RTN3: variants seen among roughly 807,000 people sequenced by gnomAD.
RTN3 encodes the protein reticulon 3, also known as reticulon-3.
RTN3 carries 49 observed loss-of-function variants against 77.8 expected under a neutral mutation model. The ratio of observed to expected loss-of-function variants is 0.63; its 90% CI spans 0.50 to 0.80. The LOEUF (loss-of-function observed/expected upper bound fraction) is 0.80, where lower values mean the gene tolerates loss of function less well. Among genes scored for constraint, RTN3 ranks in the 30% least tolerant of loss-of-function variants. The pLI is 0.00. For synonymous variants in RTN3, 464 were observed against 446.9 expected, an observed-to-expected ratio of 1.04 and a Z score of -0.48; for missense variants, 1,236 against 1,211.9, an observed-to-expected ratio of 1.02 and a Z score of -0.29.
At position 63,729,436 on chromosome 11, in the gene RTN3, C is replaced by CTTTTTTT. The variant is rs1177025902; in HGVS notation, c.2530+8421_2530+8427dup. The stretch of plus-strand genomic sequence containing the variant: ...GACTGTACTATAGCAAAGGTTTCTG[C>CTTTTTTT]TTTTTTTTTTTTTTTTTTTTTTTGT... On this transcript the variant is annotated intron_variant, in intron 3 of 8. Coordinates refer to ENST00000377819, the MANE Select transcript of RTN3 (RefSeq NM_001265589.2). Among the ~76,000 whole-genome samples, 25 of 32,062 alleles carry CTTTTTTT rather than the reference C, an allele frequency of 7.8e-4. 2 individuals are homozygous for CTTTTTTT. The highest frequency in any genetic ancestry group is 3.0e-3 in the African/African-American group (20 of 6,596). The allele number at this position is 32,062 out of a possible 152,430, so 21.0% of individuals were successfully genotyped here.
intron 1 of RTN3, among the ~76,000 whole-genome samples, chr11:63,682,327 TTTTG>T (rs949600625): frequency 1.4e-4 from 21 of 152,114 alleles, no homozygotes; most frequent in Admixed American, 3.9e-4. Flanking sequence ...AGCCTGTTTT[TTTTG>T]TTTGTTTGTT....
At chr11:63,753,608 A>G in intron 6 of RTN3, 54 bp from the exon 7 acceptor site, 1 of 1,477,174 alleles carries the variant, frequency 6.8e-7, no homozygotes, top group Non-Finnish European at 9.4e-7. Context: ...CTGAGTCTTA[A>G]GATGTGACTG....
intron 2 of RTN3, among the ~76,000 whole-genome samples, chr11:63,707,722 T>C (rs1439859181): frequency 6.6e-6 from 1 of 151,988 alleles, no homozygotes; most frequent in Non-Finnish European, 1.5e-5. Flanking sequence ...TAATCCCAGC[T>C]ACTCGGGAGG....
chr11:63,751,386 C>G (rs2014097924), intron 4 of RTN3, among the ~76,000 whole-genome samples: 1 of 152,164 alleles, frequency 6.6e-6, no homozygotes, highest in South Asian at 2.1e-4. Flanking sequence ...TTTCTTAACG[C>G]TGGAGGTCTT....
Position 63,719,648 on chromosome 11 carries a change from C to A in RTN3, c.1146C>A (p.Ser382Arg). 1.2e-6 allele frequency: 2 copies of A among 1,613,856 alleles called. No homozygotes were observed. Among genetic ancestry groups the A allele is most frequent in the South Asian group, 1.1e-5 (1 of 91,054 alleles). The change falls in exon 3 of 9, where the codon AGC (serine) becomes AGA (arginine). Residue 382 changes from serine (S) to arginine (R), a missense_variant. Physicochemically the swap from Ser to Arg is moderately radical, Grantham distance 110 (BLOSUM62 -1). Around this residue, in one of 3 missense-constraint regions of RTN3, gnomAD observed 1,056 missense variants for 990.4 expected, o/e 1.07. Transcript: ENST00000377819. ...SEIPVVNLKT[S>R]THQKTPVCSI... is the part of the protein sequence containing the mutation. ...TTCCAGTTGTAAATCTTAAAACTAG[C>A]ACTCATCAGAAAACTCCTGTATGTT...
At chr11:63,682,857 A>G (rs1013003047) in intron 1 of RTN3, among the ~76,000 whole-genome samples, 4 of 151,962 alleles carry the variant, frequency 2.6e-5, no homozygotes, top group Non-Finnish European at 4.4e-5. Context: ...AAAAACCACC[A>G]TGGGCAGGTG....
intron 1 of RTN3, among the ~76,000 whole-genome samples, chr11:63,690,926 G>A (rs1941621904): frequency 6.6e-6 from 1 of 152,002 alleles, no homozygotes; most frequent in African/African-American, 2.4e-5. Context: ...GTGGGTTTTA[G>A]TGTATGCACA....
In RTN3 at chr11:63,720,737, T is replaced by G; in HGVS notation, c.2235T>G (p.Ile745Met). Residue 745 changes from isoleucine (I) to methionine (M), a missense_variant, in exon 3 of 9, where the codon ATT (isoleucine) becomes ATG (methionine). By Grantham distance (10) the Ile-to-Met change is conservative. Coordinates refer to ENST00000377819, the MANE Select transcript of RTN3 (RefSeq NM_001265589.2). ...ACTTAGAACAAGAACAGCTCACAAT[T>G]AAGGCTCTTAAAGAATTAGGTGAAA... ...SLDLEQEQLT[I>M]KALKELGERQ... The G allele has an allele frequency of 6.2e-7, 1 of 1,614,144 alleles. No homozygotes were observed. The highest frequency in any genetic ancestry group is 8.5e-7 in the Non-Finnish European group (1 of 1,180,034).
chr11:63,724,414 A>C (rs1423169978), intron 3 of RTN3, among the ~76,000 whole-genome samples: 3 of 143,114 alleles, frequency 2.1e-5, no homozygotes, highest in African/African-American at 7.8e-5. Context: ...CAATCTCCTG[A>C]CCTGGTGATC....
chr11:63,693,356 G>A (rs757131153), intron 1 of RTN3, among the ~76,000 whole-genome samples: 4 of 152,062 alleles, frequency 2.6e-5, no homozygotes, highest in African/African-American at 9.7e-5. Context: ...GGTGGCACAT[G>A]CCTGTAATCC....
chr11:63,709,639 G>T (rs1427059699), intron 2 of RTN3, among the ~76,000 whole-genome samples: 2 of 151,796 alleles, frequency 1.3e-5, no homozygotes, highest in Non-Finnish European at 2.9e-5. Flanking sequence ...TTTTGTTTAG[G>T]ATCTAGCTTG....
rs1265677457 is a variant in RTN3, at chr11:63,719,071, T to C, written c.569T>C (p.Val190Ala). 9 of 1,614,060 alleles carry C rather than the reference T, an allele frequency of 5.6e-6. No individual in the cohort carries two copies. ...AAAGAGACCAAGAACCCAAATGGGG[T>C]ATCAAGTAGGGAGGCTAAAACTGCA... ...IDKETKNPNGVSSREAKTALD... is the reference protein window; with the variant it reads ...IDKETKNPNGASSREAKTALD... The change falls in exon 3 of 9, where the codon GTA becomes GCA. Residue 190 changes from valine to alanine, a missense_variant. By Grantham distance (64) the Val-to-Ala change is moderately conservative. Transcript: ENST00000377819.
chr11:63,714,468 A>G (rs573230153), intron 2 of RTN3: 12 of 149,308 alleles, frequency 8.0e-5, no homozygotes, highest in African/African-American at 3.0e-4. Context: ...TAGCCATGTC[A>G]TATTAATCTT....
intron 3 of RTN3, among the ~76,000 whole-genome samples, chr11:63,724,695 A>G (rs1006186151): frequency 2.7e-5 from 4 of 148,814 alleles, no homozygotes; most frequent in Non-Finnish European, 5.9e-5. Flanking sequence ...GTTTCACTAT[A>G]TTGGCCAGGC....
chr11:63,692,621 C>T (rs532868457), intron 1 of RTN3, among the ~76,000 whole-genome samples: 68 of 152,084 alleles, frequency 4.5e-4, no homozygotes, highest in Non-Finnish European at 6.6e-4. Context: ...ATTAGCTGGG[C>T]GTGGTGGCAT....
intron 3 of RTN3, among the ~76,000 whole-genome samples, chr11:63,741,525 C>T (rs2013478148): frequency 7.1e-6 from 1 of 141,186 alleles, no homozygotes; most frequent in Admixed American, 7.3e-5. Flanking sequence ...TTTGAGACAG[C>T]GTCTCATTCT....
At chr11:63,740,888 A>G (rs922002902) in intron 3 of RTN3, among the ~76,000 whole-genome samples, 1 of 152,308 alleles carries the variant, frequency 6.6e-6, no homozygotes, top group Non-Finnish European at 1.5e-5. Flanking sequence ...AATCAATAGT[A>G]TTCTGAGCAC....
chr11:63,752,782 A>G (rs1457562090), intron 5 of RTN3, 137 bp downstream of exon 5: 1 of 911,512 alleles, frequency 1.1e-6, no homozygotes, highest in African/African-American at 1.7e-5. Flanking sequence ...ATAATGGGAT[A>G]GGTGTCACTA....
chr11:63,730,961 A>G (rs1285068328), intron 3 of RTN3, among the ~76,000 whole-genome samples: 1 of 152,250 alleles, frequency 6.6e-6, no homozygotes, highest in Non-Finnish European at 1.5e-5. Flanking sequence ...GTTATAGAAC[A>G]CTACTCCCTA....
Sources: allele counts gnomAD v4.1 joint callset (sites outside exome capture counted in the v4.1 genomes callset), GRCh38; gene constraint gnomAD v4.1.1; regional missense constraint gnomAD v4.1.1; transcripts MANE v1.5; gene names NCBI Gene and HGNC (gene_info 2026-07-23, HGNC 2026-07-21).